RARB: variants seen among roughly 807,000 people sequenced by gnomAD.
RARB encodes HBV-activated protein.
A neutral mutation model predicts 51.9 loss-of-function variants in RARB; 17 were observed. The ratio of observed to expected loss-of-function variants is 0.33; its 90% confidence interval spans 0.22 to 0.49. The LOEUF (loss-of-function observed/expected upper bound fraction) is 0.49. Among genes scored for constraint, RARB ranks in the 20% least tolerant of loss-of-function variants. The probability of loss-of-function intolerance (pLI) is 0.99; values close to 1 mark genes in which losing one functional copy is unlikely to be tolerated. For synonymous variants in RARB, 215 were observed against 195.4 expected, an observed-to-expected ratio of 1.10 and a Z score of -0.84; for missense variants, 369 against 550.8, an observed-to-expected ratio of 0.67 and a Z score of 3.30.
chr3:25,159,414 C>CCA (rs1553638593), intron 4 of RARB, among the ~76,000 whole-genome samples: 1 of 117,278 alleles, frequency 8.5e-6, no homozygotes, highest in Non-Finnish European at 1.9e-5. Context: ...GATGATCCAC[C>CCA]CCCCCCGCTC....
chr3:25,167,784 G>A (rs1700583104), intron 4 of RARB, among the ~76,000 whole-genome samples: 1 of 152,152 alleles, frequency 6.6e-6, no homozygotes, highest in South Asian at 2.1e-4. Flanking sequence ...AGATGTGAAA[G>A]GCCACATATT....
At chr3:25,576,530 T>C (rs1434259881) in intron 4 of RARB, among the ~76,000 whole-genome samples, 1 of 152,166 alleles carries the variant, frequency 6.6e-6, no homozygotes, top group Non-Finnish European at 1.5e-5. Flanking sequence ...TGCAGATGGA[T>C]AGATGGTCCT....
chr3:24,929,821 T>A (rs1203398433), intron 2 of RARB, among the ~76,000 whole-genome samples: 2 of 152,118 alleles, frequency 1.3e-5, no homozygotes. Context: ...GCTGCTGTTT[T>A]GAGTTGACTC....
At chr3:24,944,743 T>C (rs1387436632) in intron 2 of RARB, among the ~76,000 whole-genome samples, 1 of 152,196 alleles carries the variant, frequency 6.6e-6, no homozygotes, top group African/African-American at 2.4e-5. Flanking sequence ...GTATTCTAAG[T>C]AGAACAGGTA....
intron 5 of RARB, among the ~76,000 whole-genome samples, chr3:25,249,924 C>T (rs1702668270): frequency 1.3e-5 from 2 of 152,014 alleles, no homozygotes; most frequent in African/African-American, 2.4e-5. Context: ...TCCTGTTGGG[C>T]CAATTATTGG....
At chr3:25,096,516 A>G (rs1699294744) in intron 3 of RARB, among the ~76,000 whole-genome samples, 2 of 152,192 alleles carry the variant, frequency 1.3e-5, no homozygotes, top group South Asian at 2.1e-4. Context: ...TTAGTAAGTT[A>G]TCTATTTTTA....
At chr3:24,942,352 T>A (rs9842866) in intron 2 of RARB, among the ~76,000 whole-genome samples, 13,236 of 152,180 alleles carry the variant, frequency 0.087, 1,395 homozygotes, top group African/African-American at 0.25. Flanking sequence ...AAATCTTAAA[T>A]TTGAAATGGG....
chr3:25,219,532 G>A (rs1485252577), intron 5 of RARB, among the ~76,000 whole-genome samples: 1 of 152,162 alleles, frequency 6.6e-6, no homozygotes, highest in Non-Finnish European at 1.5e-5. Context: ...ACAAAAGCAA[G>A]GATCTAGGGA....
chr3:25,051,833 G>C (rs909892031), intron 2 of RARB, among the ~76,000 whole-genome samples: 1 of 152,136 alleles, frequency 6.6e-6, no homozygotes, highest in African/African-American at 2.4e-5. Flanking sequence ...TTGAAGGGAG[G>C]AAGCATCTTA....
chr3:24,842,434 T>TG (rs1332718614), intron 1 of RARB, among the ~76,000 whole-genome samples: 12 of 152,212 alleles, frequency 7.9e-5, no homozygotes, highest in Non-Finnish European at 2.9e-5. Flanking sequence ...TATGATTTTG[T>TG]GAGGAATTTG....
intron 3 of RARB, among the ~76,000 whole-genome samples, chr3:25,123,564 AC>A (rs1194175093): frequency 6.6e-6 from 1 of 152,166 alleles, no homozygotes; most frequent in African/African-American, 2.4e-5. Flanking sequence ...CAGTTGTATC[AC>A]CTTTTCTAAT....
intron 2 of RARB, among the ~76,000 whole-genome samples, chr3:24,985,324 A>C (rs192238655): frequency 1.7e-3 from 254 of 151,456 alleles, no homozygotes; most frequent in African/African-American, 5.9e-3. Flanking sequence ...CATCACTGCC[A>C]TGGCATTTGC....
At position 25,597,407 on chromosome 3, in the gene RARB, CAGTT is replaced by C. The variant is rs10548794; in HGVS notation, c.*797_*800del. On this transcript the variant is annotated 3_prime_UTR_variant, in exon 8 of 8. Coordinates refer to ENST00000330688, the MANE Select transcript of RARB (RefSeq NM_000965.5). Reference sequence around the variant, plus strand: ...TTACTTGTTTAATGACATAACTACACAGTTAGTTAAAAAAAATTTTTTTACAGTA... The same window carrying C: ...TTACTTGTTTAATGACATAACTACACAGTTAAAAAAAATTTTTTTACAGTA... 63,345 of 151,990 alleles carry C rather than the reference CAGTT, an allele frequency of 0.42. 13,340 individuals are homozygous for C. Among genetic ancestry groups the C allele is most frequent in the African/African-American group, 0.47 (19,548 of 41,260 alleles). 9.4% of individuals were successfully genotyped at this position (151,990 alleles called of 1,614,324 possible).
At chr3:25,408,691 C>T (rs1215141686) in intron 5 of RARB, among the ~76,000 whole-genome samples, 1 of 152,102 alleles carries the variant, frequency 6.6e-6, no homozygotes, top group East Asian at 1.9e-4. Flanking sequence ...CTCCAGGAAG[C>T]AGGCAAGTCA....
intron 3 of RARB, among the ~76,000 whole-genome samples, chr3:25,554,480 C>T (rs982896505): frequency 3.3e-5 from 5 of 151,926 alleles, no homozygotes; most frequent in African/African-American, 7.3e-5. Flanking sequence ...GCTCTTTTTG[C>T]GCTACAAGGG....
At chr3:25,038,130 T>C (rs1241478305) in intron 2 of RARB, among the ~76,000 whole-genome samples, 1 of 152,190 alleles carries the variant, frequency 6.6e-6, no homozygotes, top group Non-Finnish European at 1.5e-5. Context: ...GTTAATCCTT[T>C]AGCATGGATG....
At position 25,227,536 on chromosome 3, in the gene RARB, C is replaced by T. The variant is rs570304659; in HGVS notation, c.178+52961C>T. ...ATTCTCTATATTGGTACATAAAATT[C>T]CTCTAGAAAGTAATTGTTGACAGCT... On this transcript the variant is annotated intron_variant, in intron 5 of 11. Coordinates refer to the RARB transcript ENST00000383772. 2.6e-5 allele frequency among the ~76,000 whole-genome samples: 4 copies of T among 152,042 alleles called. No individual in the cohort carries two copies. In the East Asian group the frequency reaches 7.8e-4, roughly 29 times the overall value.
At chr3:25,326,642 T>G (rs576129120) in intron 5 of RARB, among the ~76,000 whole-genome samples, 137 of 152,340 alleles carry the variant, frequency 9.0e-4, no homozygotes, top group Non-Finnish European at 1.7e-3. Context: ...TTCATCATTC[T>G]TTAGCATCTC....
At chr3:24,936,299 C>G (rs1185488821) in intron 2 of RARB, among the ~76,000 whole-genome samples, 1 of 152,008 alleles carries the variant, frequency 6.6e-6, no homozygotes. Flanking sequence ...GAAGAGTTTT[C>G]TAAATTTTAC....
Sources: gnomAD v4.1 joint callset for allele counts (sites outside exome capture counted in the v4.1 genomes callset) on GRCh38, gnomAD v4.1.1 for gene constraint, MANE v1.5 for transcripts, NCBI Gene and HGNC (gene_info 2026-07-23, HGNC 2026-07-21) for gene names.